CCDC146: variants seen among roughly 807,000 people sequenced by gnomAD.
The protein encoded by CCDC146 is coiled-coil domain containing 146.
CCDC146 carries 92 observed loss-of-function variants against 119.3 expected under a neutral mutation model. That is an observed-to-expected ratio of 0.77 (90% CI 0.65 to 0.92). CCDC146 has a LOEUF of 0.92. Ranked by LOEUF, CCDC146 falls within the 40% of genes least tolerant of loss-of-function variation. CCDC146 has a pLI of 0.00. For synonymous variants in CCDC146, 372 were observed against 371.8 expected (o/e 1.00, Z -0.01); for missense variants, 1,000 against 1,103.0 (o/e 0.91, Z 1.32).
At chr7:77,189,423 A>G (rs958447246) in intron 2 of CCDC146, among the ~76,000 whole-genome samples, 1 of 152,202 alleles carries the variant, frequency 6.6e-6, no homozygotes, top group African/African-American at 2.4e-5. Flanking sequence ...CTTAGCAAGA[A>G]TATTGCAAAC....
At chr7:77,277,118 G>T (rs1266556360) in intron 11 of CCDC146, among the ~76,000 whole-genome samples, 1 of 151,760 alleles carries the variant, frequency 6.6e-6, no homozygotes, top group African/African-American at 2.4e-5. Flanking sequence ...AGGGAGGGAA[G>T]GAAGGAAAAG....
chr7:77,257,621 C>A (rs1793205743), intron 6 of CCDC146, among the ~76,000 whole-genome samples: 1 of 152,172 alleles, frequency 6.6e-6, no homozygotes, highest in African/African-American at 2.4e-5. Context: ...CAAGATTGTA[C>A]AAGTTTCAGC....
At chr7:77,271,477 TTTTA>T (rs1441238222) in intron 9 of CCDC146, among the ~76,000 whole-genome samples, 4 of 18,412 alleles carry the variant, frequency 2.2e-4, no homozygotes, top group Middle Eastern at 0.029. Flanking sequence ...CCCCTTTTTA[TTTTA>T]TATATATATA....
intron 1 of CCDC146, among the ~76,000 whole-genome samples, chr7:77,154,954 A>C (rs1181539902): frequency 3.3e-5 from 5 of 152,068 alleles, no homozygotes; most frequent in Non-Finnish European, 5.9e-5. Context: ...CAGTGTGAGG[A>C]TTCTAGATTG....
intron 5 of CCDC146, 69 bp from the exon 6 acceptor site, chr7:77,256,264 A>T: frequency 9.0e-7 from 1 of 1,116,440 alleles, no homozygotes; most frequent in Non-Finnish European, 1.3e-6. Context: ...AATTAGTTTT[A>T]GTTCAGTTTT....
chr7:77,223,151 G>T (rs1030920675), intron 2 of CCDC146, among the ~76,000 whole-genome samples: 6 of 152,164 alleles, frequency 3.9e-5, no homozygotes, highest in Non-Finnish European at 7.3e-5. Context: ...CTCCCCCCAG[G>T]ATCCTTGGAG....
At chr7:77,203,298 T>A (rs1440838768) in intron 2 of CCDC146, among the ~76,000 whole-genome samples, 1 of 152,094 alleles carries the variant, frequency 6.6e-6, no homozygotes, top group Non-Finnish European at 1.5e-5. Context: ...AGCATGCTAA[T>A]GACAGAGGTA....
chr7:77,150,901 A>G (rs1791100656), intron 1 of CCDC146, among the ~76,000 whole-genome samples: 1 of 152,262 alleles, frequency 6.6e-6, no homozygotes, highest in South Asian at 2.1e-4. Flanking sequence ...TGATACCCAC[A>G]ACAATGTAGA....
intron 2 of CCDC146, among the ~76,000 whole-genome samples, chr7:77,220,450 G>T (rs542807377): frequency 1.3e-5 from 2 of 152,094 alleles, no homozygotes; most frequent in Non-Finnish European, 2.9e-5. Context: ...GTCCTGAGGT[G>T]ACATACATCC....
At chr7:77,240,059 C>T (rs2150487071) in intron 3 of CCDC146, among the ~76,000 whole-genome samples, 1 of 152,268 alleles carries the variant, frequency 6.6e-6, no homozygotes, top group South Asian at 2.1e-4. Flanking sequence ...AGAAAAGTTT[C>T]TGTTTTTTCA....
intron 2 of CCDC146, among the ~76,000 whole-genome samples, chr7:77,222,466 T>C (rs956506367): frequency 2.0e-5 from 3 of 152,192 alleles, no homozygotes; most frequent in South Asian, 4.1e-4. Flanking sequence ...TCTTGCAGCC[T>C]AGAGCTGGGG....
chr7:77,192,034 C>A (rs1001759304), intron 2 of CCDC146, among the ~76,000 whole-genome samples: 1 of 152,020 alleles, frequency 6.6e-6, no homozygotes, highest in Non-Finnish European at 1.5e-5. Context: ...TCAAGCAATT[C>A]TCCTGCCTCA....
intron 2 of CCDC146, among the ~76,000 whole-genome samples, chr7:77,218,867 T>C (rs1186937773): frequency 6.6e-6 from 1 of 152,060 alleles, no homozygotes; most frequent in African/African-American, 2.4e-5. Flanking sequence ...CCACCATGCC[T>C]GGCCCCAATT....
chr7:77,166,277 T>C (rs1791336767), intron 1 of CCDC146, among the ~76,000 whole-genome samples: 1 of 152,238 alleles, frequency 6.6e-6, no homozygotes, highest in African/African-American at 2.4e-5. Context: ...AAAATTGTTC[T>C]ATGAGAATCA....
At chr7:77,153,996 T>C (rs1318945413) in intron 1 of CCDC146, among the ~76,000 whole-genome samples, 2 of 151,816 alleles carry the variant, frequency 1.3e-5, no homozygotes, top group Admixed American at 1.3e-4. Context: ...TTGATATTCA[T>C]ACAGCTAGGA....
At chr7:77,146,209 CTG>C (rs1293329712) in intron 1 of CCDC146, among the ~76,000 whole-genome samples, 4 of 151,936 alleles carry the variant, frequency 2.6e-5, no homozygotes. Context: ...GGTTTAAAGT[CTG>C]TTTTATCAGA....
intron 1 of CCDC146, among the ~76,000 whole-genome samples, chr7:77,144,338 A>T (rs1790982336): frequency 6.6e-6 from 1 of 151,692 alleles, no homozygotes; most frequent in Non-Finnish European, 1.5e-5. Flanking sequence ...GGGTTTTCTA[A>T]ATATACAATC....
intron 2 of CCDC146, among the ~76,000 whole-genome samples, chr7:77,169,222 G>A (rs1163554726): frequency 2.0e-5 from 3 of 151,870 alleles, no homozygotes; most frequent in African/African-American, 7.3e-5. Flanking sequence ...TGTATTTTTG[G>A]TAAAGATATA....
At chr7:77,202,094 C>T (rs1028593367) in intron 2 of CCDC146, among the ~76,000 whole-genome samples, 2 of 152,194 alleles carry the variant, frequency 1.3e-5, no homozygotes, top group African/African-American at 4.8e-5. Context: ...ATATAAGATG[C>T]GTGCCACAGG....
Sources: gnomAD v4.1 joint callset for allele counts (sites outside exome capture counted in the v4.1 genomes callset) on GRCh38, gnomAD v4.1.1 for gene constraint, MANE v1.5 for transcripts, NCBI Gene and HGNC (gene_info 2026-07-23, HGNC 2026-07-21) for gene names.